DENND4C: variants seen among roughly 807,000 people sequenced by gnomAD.
The protein encoded by DENND4C is DENN domain-containing protein 4C.
In DENND4C, 108 loss-of-function variants were observed where a neutral mutation model predicts 203.0. That is an observed-to-expected ratio of 0.53 (90% CI 0.46 to 0.62). The LOEUF (loss-of-function observed/expected upper bound fraction) is 0.62. Ranked by LOEUF, DENND4C falls within the 20% of genes least tolerant of loss-of-function variation. The probability of loss-of-function intolerance (pLI) is 0.00; values close to 1 mark genes in which losing one functional copy is unlikely to be tolerated. For synonymous variants in DENND4C, 871 were observed against 792.4 expected (o/e 1.10, Z -1.67); for missense variants, 2,481 against 2,301.2 (o/e 1.08, Z -1.60).
intron 10 of DENND4C, among the ~76,000 whole-genome samples, chr9:19,313,622 G>A (rs906848541): frequency 8.5e-5 from 13 of 152,206 alleles, no homozygotes; most frequent in African/African-American, 3.1e-4. Flanking sequence ...ACAGTTTCAA[G>A]AGACGTTAAA....
intron 3 of DENND4C, 38 bp from the exon 4 acceptor site, chr9:19,288,558 C>G: frequency 8.4e-7 from 1 of 1,185,588 alleles, no homozygotes; most frequent in Admixed American, 4.2e-5. Flanking sequence ...TCTTTTCACT[C>G]TTTTGTCTTT....
chr9:19,305,473 A>G lies in DENND4C; in HGVS notation c.1433A>G (p.His478Arg). 1 of 1,613,798 alleles carries G rather than the reference A, an allele frequency of 6.2e-7. No individual in the cohort carries two copies. Among genetic ancestry groups the G allele is most frequent in the Non-Finnish European group, 8.5e-7 (1 of 1,179,950 alleles). ...VGVDSRYFDL[H>R]DPPQDVVCID... ...GTTGACTCAAGGTATTTTGATCTTC[A>G]TGACCCACCACAAGATGTTGTTTGC... Residue 478 changes from histidine to arginine, a missense_variant, in exon 10 of 33, where the codon CAT becomes CGT. Transcript: ENST00000434457.
intron 1 of DENND4C, among the ~76,000 whole-genome samples, chr9:19,254,552 A>G (rs1223989054): frequency 6.6e-6 from 1 of 152,218 alleles, no homozygotes; most frequent in Non-Finnish European, 1.5e-5. Context: ...TCATAAAAGC[A>G]GAGCATACAA....
At chr9:19,347,145 A>G in intron 23 of DENND4C, 59 bp downstream of exon 23, 2 of 1,457,592 alleles carry the variant, frequency 1.4e-6, no homozygotes, top group East Asian at 2.3e-5. Context: ...GTATCTTTCT[A>G]GAAATATATG....
chr9:19,255,082 G>A (rs1380431277), intron 1 of DENND4C, among the ~76,000 whole-genome samples: 1 of 152,108 alleles, frequency 6.6e-6, no homozygotes, highest in Non-Finnish European at 1.5e-5. Context: ...TGGGGTGGAG[G>A]TTGCAGTGAG....
At chr9:19,233,623 T>G (rs1468637359) in intron 1 of DENND4C, among the ~76,000 whole-genome samples, 1 of 145,210 alleles carries the variant, frequency 6.9e-6, no homozygotes, top group Non-Finnish European at 1.5e-5. Flanking sequence ...TGCAGTGGTG[T>G]GATCTCGGCT....
At chr9:19,245,050 A>G (rs1246051343) in intron 1 of DENND4C, among the ~76,000 whole-genome samples, 1 of 152,256 alleles carries the variant, frequency 6.6e-6, no homozygotes, top group East Asian at 1.9e-4. Context: ...GTCTGCATGC[A>G]TAATCACACC....
intron 1 of DENND4C, among the ~76,000 whole-genome samples, chr9:19,234,358 G>A (rs1388571349): frequency 6.6e-6 from 1 of 151,486 alleles, no homozygotes; most frequent in African/African-American, 2.4e-5. Context: ...ACCCTCCCGA[G>A]TAGCTGGGAC....
intron 1 of DENND4C, among the ~76,000 whole-genome samples, chr9:19,269,679 G>A (rs932103423): frequency 6.6e-6 from 1 of 152,118 alleles, no homozygotes; most frequent in African/African-American, 2.4e-5. Context: ...ATTTCATTGA[G>A]CTTCTTTAAA....
chr9:19,309,721 A>G (rs78534776), intron 10 of DENND4C, among the ~76,000 whole-genome samples: 1 of 151,424 alleles, frequency 6.6e-6, no homozygotes, highest in African/African-American at 2.4e-5. Flanking sequence ...TTTTTGTTAG[A>G]ATTTTTTTTT....
chr9:19,256,562 G>T (rs563561559), intron 1 of DENND4C, among the ~76,000 whole-genome samples: 6 of 151,680 alleles, frequency 4.0e-5, no homozygotes, highest in Non-Finnish European at 7.4e-5. Flanking sequence ...TGATCTGCCC[G>T]CCTCAGCCTT....
intron 1 of DENND4C, among the ~76,000 whole-genome samples, chr9:19,248,983 G>A (rs1267745471): frequency 6.6e-6 from 1 of 151,880 alleles, no homozygotes; most frequent in Non-Finnish European, 1.5e-5. Context: ...TAGAGATGGG[G>A]TTTCACCATG....
At chr9:19,244,463 G>A (rs942221648) in intron 1 of DENND4C, among the ~76,000 whole-genome samples, 14 of 151,920 alleles carry the variant, frequency 9.2e-5, no homozygotes, top group African/African-American at 2.9e-4. Context: ...TGCCTTGGCC[G>A]GGCGTGGTGG....
chr9:19,350,224 G>A (rs1452028280), intron 23 of DENND4C, among the ~76,000 whole-genome samples: 2 of 151,944 alleles, frequency 1.3e-5, no homozygotes, highest in African/African-American at 4.8e-5. Flanking sequence ...TATCACAGCA[G>A]CTTTATTTGA....
At chr9:19,302,616 A>G (rs1392667113) in intron 9 of DENND4C, among the ~76,000 whole-genome samples, 1 of 152,080 alleles carries the variant, frequency 6.6e-6, no homozygotes, top group Non-Finnish European at 1.5e-5. Context: ...TTGCAGGTGT[A>G]ACATACCTTT....
chr9:19,249,633 CAAGCAAAAAAGT>C (rs1304779211), intron 1 of DENND4C, among the ~76,000 whole-genome samples: 1 of 151,932 alleles, frequency 6.6e-6, no homozygotes, highest in Non-Finnish European at 1.5e-5. Flanking sequence ...ATGAATAATC[CAAGCAAAAAAGT>C]GTGCAAGACC....
In DENND4C at chr9:19,325,948, G is replaced by A; in HGVS notation, c.1963G>A (p.Asp655Asn). Residue 655 changes from aspartate (D) to asparagine (N), a missense_variant, in exon 14 of 33, where the codon GAT becomes AAT. Asp to Asn is a conservative substitution (Grantham distance 23). Coordinates refer to ENST00000434457, the MANE Select transcript of DENND4C (RefSeq NM_001330640.2). ...FDDCIEKLFP[D>N]KGTEKTDKVD... ...TTTTCTTTTTTTCTAGTTGTTTCCT[G>A]ATAAAGGCACAGAGAAAACAGATAA... 1 of 1,607,054 alleles carries A rather than the reference G, an allele frequency of 6.2e-7. No individual in the cohort carries two copies. The highest frequency in any genetic ancestry group is 8.5e-7 in the Non-Finnish European group (1 of 1,177,100).
At chr9:19,299,402 T>G (rs1838100085) in intron 8 of DENND4C, 115 bp downstream of exon 8, 10 of 725,062 alleles carry the variant, frequency 1.4e-5, no homozygotes, top group Non-Finnish European at 2.0e-5. Flanking sequence ...ACAATTAACT[T>G]TATTAGTTAA....
chr9:19,350,831 G>A lies in DENND4C; in HGVS notation c.4447G>A (p.Gly1483Ser). ...ACTTACCCAGAGCAACACAAGTCTTGGCAGTAGCAGCAGTAGTGGAGATGT... is the reference window on the plus strand; with the variant it reads ...ACTTACCCAGAGCAACACAAGTCTTAGCAGTAGCAGCAGTAGTGGAGATGT... Reference protein sequence around the residue: ...SELTQSNTSLGSSSSSGDVGK... With the variant: ...SELTQSNTSLSSSSSSGDVGK... Residue 1483 changes from glycine (G) to serine (S), a missense_variant, in exon 24 of 33, where the codon GGC becomes AGC. Gly to Ser is a moderately conservative substitution (Grantham distance 56). This residue lies in a region of DENND4C where 2,289 missense variants were observed against 2,113.3 expected (regional missense o/e 1.08). Coordinates refer to ENST00000434457, the MANE Select transcript of DENND4C (RefSeq NM_001330640.2). The A allele has an allele frequency of 6.2e-7, 1 of 1,614,026 alleles. No homozygotes were observed. Among genetic ancestry groups the A allele is most frequent in the Non-Finnish European group, 8.5e-7 (1 of 1,180,000 alleles).
Sources: gnomAD v4.1 joint callset for allele counts (sites outside exome capture counted in the v4.1 genomes callset) on GRCh38, gnomAD v4.1.1 for gene constraint, gnomAD v4.1.1 regional missense constraint, MANE v1.5 for transcripts, NCBI Gene and HGNC (gene_info 2026-07-23, HGNC 2026-07-21) for gene names.